Variants in MAGI2 observed in about 807,000 individuals in gnomAD.
MAGI2 encodes the protein membrane-associated guanylate kinase, WW and PDZ domain-containing protein 2.
In MAGI2, 35 loss-of-function variants were observed where a neutral mutation model predicts 133.3. The observed-to-expected ratio is 0.26, with a 90% CI of 0.20 to 0.35. The LOEUF (loss-of-function observed/expected upper bound fraction) is 0.35, where lower values mean the gene tolerates loss of function less well. Among genes scored for constraint, MAGI2 ranks in the 10% least tolerant of loss-of-function variants. The pLI is 1.00. For synonymous variants in MAGI2, 729 were observed against 710.6 expected (o/e 1.03, Z -0.41); for missense variants, 1,636 against 1,863.4 (o/e 0.88, Z 2.25).
intron 13 of MAGI2, among the ~76,000 whole-genome samples, chr7:78,180,022 A>T (rs886340968): frequency 6.6e-6 from 1 of 152,208 alleles, no homozygotes; most frequent in Non-Finnish European, 1.5e-5. Context: ...GAGATGACAG[A>T]TATTGCTCAA....
chr7:78,400,526 T>C (rs1383625249), intron 6 of MAGI2, among the ~76,000 whole-genome samples: 1 of 152,194 alleles, frequency 6.6e-6, no homozygotes. Context: ...TATAATCAGA[T>C]CTTGTGTTTT....
intron 2 of MAGI2, among the ~76,000 whole-genome samples, chr7:78,731,786 A>G (rs1333591354): frequency 1.3e-5 from 2 of 152,268 alleles, no homozygotes; most frequent in East Asian, 1.9e-4. Flanking sequence ...GAGCCCCTGT[A>G]TATCTATGGA....
intron 21 of MAGI2, among the ~76,000 whole-genome samples, chr7:78,064,698 G>C (rs1813635315): frequency 6.6e-6 from 1 of 152,128 alleles, no homozygotes; most frequent in East Asian, 1.9e-4. Flanking sequence ...AAAAGCCAAA[G>C]TGACATATAA....
At chr7:78,590,444 T>C (rs1563211924) in intron 3 of MAGI2, among the ~76,000 whole-genome samples, 1 of 152,164 alleles carries the variant, frequency 6.6e-6, no homozygotes, top group South Asian at 2.1e-4. Flanking sequence ...TCCCAGGACA[T>C]TGGGAAAATT....
intron 2 of MAGI2, among the ~76,000 whole-genome samples, chr7:78,642,013 A>G (rs918945053): frequency 1.3e-5 from 2 of 152,160 alleles, no homozygotes; most frequent in Admixed American, 1.3e-4. Flanking sequence ...TTAGGGTATA[A>G]TTATATAAGC....
intron 3 of MAGI2, among the ~76,000 whole-genome samples, chr7:78,541,842 T>C (rs1368382072): frequency 6.6e-6 from 1 of 152,250 alleles, no homozygotes; most frequent in Non-Finnish European, 1.5e-5. Flanking sequence ...TCTTCTATCA[T>C]TCCTTCCTTC....
intron 6 of MAGI2, among the ~76,000 whole-genome samples, chr7:78,461,873 T>C (rs1028013340): frequency 8.0e-6 from 1 of 125,572 alleles, no homozygotes; most frequent in Non-Finnish European, 1.6e-5. Context: ...ATCACACCAT[T>C]GCACTCTAGC....
chr7:78,631,349 T>G (rs147167479), intron 2 of MAGI2, among the ~76,000 whole-genome samples: 212 of 152,284 alleles, frequency 1.4e-3, no homozygotes, highest in African/African-American at 5.0e-3. Context: ...CCTTCCGATC[T>G]GTACTGTCTC....
intron 6 of MAGI2, among the ~76,000 whole-genome samples, chr7:78,422,744 T>G (rs537412148): frequency 6.6e-6 from 1 of 152,306 alleles, no homozygotes; most frequent in East Asian, 1.9e-4. Flanking sequence ...AATTCTGCGC[T>G]CTTGAAAGGT....
Position 78,986,065 on chromosome 7 carries a change from A to T in MAGI2, c.418+21025T>A, listed in dbSNP as rs142275671. ...TGTGTTTATAAATTCTGTGATGCAC[A>T]TCAGAGGGCATTTACAAAGACTAAT... On this transcript the variant is annotated intron_variant, in intron 2 of 21. Coordinates refer to ENST00000354212, the MANE Select transcript of MAGI2 (RefSeq NM_012301.4). Among the ~76,000 whole-genome samples, 1,311 of 152,210 alleles carry T rather than the reference A, an allele frequency of 8.6e-3. 26 individuals carry two copies. The highest frequency in any genetic ancestry group is 0.03 in the African/African-American group (1,258 of 41,572).
intron 2 of MAGI2, among the ~76,000 whole-genome samples, chr7:78,813,798 A>AC (rs1356334423): frequency 1.3e-5 from 2 of 151,270 alleles, no homozygotes; most frequent in Non-Finnish European, 2.9e-5. Flanking sequence ...AAAAAAAAAA[A>AC]AAAAAACACA....
chr7:78,706,286 C>T (rs1208000410), intron 2 of MAGI2, among the ~76,000 whole-genome samples: 3 of 151,876 alleles, frequency 2.0e-5, no homozygotes, highest in Admixed American at 1.3e-4. Flanking sequence ...TCATGAGATC[C>T]GAAAAGTTTA....
intron 2 of MAGI2, among the ~76,000 whole-genome samples, chr7:78,871,592 G>C (rs1205541494): frequency 1.3e-5 from 2 of 152,080 alleles, no homozygotes; most frequent in Non-Finnish European, 2.9e-5. Flanking sequence ...CTTAGTTCTT[G>C]TTGTAGATCA....
intron 1 of MAGI2, among the ~76,000 whole-genome samples, chr7:79,392,136 G>T (rs752678261): frequency 2.0e-5 from 3 of 152,076 alleles, no homozygotes; most frequent in African/African-American, 7.2e-5. Flanking sequence ...GTGTTAGTTT[G>T]CTGAGAATGA....
At chr7:78,679,166 T>C (rs1815373816) in intron 2 of MAGI2, among the ~76,000 whole-genome samples, 1 of 152,160 alleles carries the variant, frequency 6.6e-6, no homozygotes. Context: ...TCACCTCCTT[T>C]GTGCACCCTT....
intron 15 of MAGI2, among the ~76,000 whole-genome samples, chr7:78,165,113 A>G (rs1405953314): frequency 6.6e-6 from 1 of 152,212 alleles, no homozygotes; most frequent in African/African-American, 2.4e-5. Context: ...TAAAAGAAAA[A>G]TTGGAAGCAC....
chr7:78,756,738 C>G (rs1179137137), intron 2 of MAGI2, among the ~76,000 whole-genome samples: 1 of 152,130 alleles, frequency 6.6e-6, no homozygotes, highest in African/African-American at 2.4e-5. Flanking sequence ...ATATGCTGAT[C>G]TCTCATCACA....
intron 2 of MAGI2, among the ~76,000 whole-genome samples, chr7:78,668,645 T>A (rs1220754584): frequency 6.6e-6 from 1 of 152,060 alleles, no homozygotes; most frequent in Non-Finnish European, 1.5e-5. Flanking sequence ...ATTTATTAAA[T>A]AGAGAATCCT....
intron 2 of MAGI2, among the ~76,000 whole-genome samples, chr7:78,758,667 T>C (rs1824195743): frequency 6.6e-6 from 1 of 152,118 alleles, no homozygotes; most frequent in East Asian, 1.9e-4. Flanking sequence ...AGGGTCTCAT[T>C]CTTTTTGCTC....
Sources: allele counts gnomAD v4.1 joint callset (sites outside exome capture counted in the v4.1 genomes callset), GRCh38; gene constraint gnomAD v4.1.1; transcripts MANE v1.5; gene names NCBI Gene and HGNC (gene_info 2026-07-23, HGNC 2026-07-21).